KTN1: variants seen among roughly 807,000 people sequenced by gnomAD.
The protein encoded by KTN1 is kinectin.
A neutral mutation model predicts 222.5 loss-of-function variants in KTN1; 130 were observed. The ratio of observed to expected loss-of-function variants is 0.58; its 90% confidence interval spans 0.51 to 0.68. KTN1 has a LOEUF of 0.68. KTN1 is among the 30% of genes least tolerant of loss of function. KTN1 has a pLI of 0.00. For missense variants in KTN1, 1,508 were observed against 1,500.4 expected (o/e 1.01, Z -0.08); for synonymous variants, 512 against 496.3 (o/e 1.03, Z -0.42).
chr14:55,637,207 G>A lies in KTN1; in HGVS notation c.1559G>A (p.Ser520Asn). 1 of 1,601,324 alleles carries A rather than the reference G, an allele frequency of 6.2e-7. No individual in the cohort carries two copies. ...TAATGTTTTATTACAGATTTACAGA[G>A]TAAATTTGTGGCCAAAGAAAATGAA... ...EHEAAQQDLQ[S>N]KFVAKENEVQ... Residue 520 changes from serine to asparagine, a missense_variant, in exon 11 of 44, where the codon AGT (serine) becomes AAT (asparagine). Physicochemically the swap from Ser to Asn is conservative, Grantham distance 46 (BLOSUM62 1). Transcript: ENST00000395314.
chr14:55,640,210 T>C (rs1197157624), intron 14 of KTN1, among the ~76,000 whole-genome samples, 164 bp from the exon 15 acceptor site: 1 of 151,924 alleles, frequency 6.6e-6, no homozygotes, highest in African/African-American at 2.4e-5. Flanking sequence ...TTTACAATAA[T>C]TTGATAGGAA....
chr14:55,678,600 GC>G, intron 42 of KTN1, 156 bp downstream of exon 42: 1 of 598,082 alleles, frequency 1.7e-6, no homozygotes. Context: ...TCTCATTTTT[GC>G]TTATTGAGGT....
intron 2 of KTN1, among the ~76,000 whole-genome samples, chr14:55,613,830 A>G (rs537774228): frequency 2.6e-5 from 4 of 152,140 alleles, no homozygotes; most frequent in African/African-American, 7.2e-5. Context: ...TAAGAACTAC[A>G]TGTTTTAGTT....
At position 55,673,000 on chromosome 14, in the gene KTN1, A is replaced by G. The variant is rs994152832; in HGVS notation, c.3675A>G (p.Thr1225=). ...KAEMERSTYV[T]EVRELKDLLT... ...AGATGGAACGATCTACCTATGTTAC[A>G]GAAGTCAGAGAGGTACTTACAACAG... The change falls in exon 39 of 44, where the codon ACA becomes ACG. Residue 1225 remains threonine (T), a synonymous_variant. Coordinates refer to ENST00000395314, the MANE Select transcript of KTN1 (RefSeq NM_001079521.2). The G allele has an allele frequency of 6.2e-7, 1 of 1,610,548 alleles. No individual in the cohort carries two copies. Among genetic ancestry groups the G allele is most frequent in the Non-Finnish European group, 8.5e-7 (1 of 1,176,886 alleles).
intron 17 of KTN1, 98 bp downstream of exon 17, chr14:55,641,306 T>A (rs2041777422): frequency 1.4e-6 from 1 of 691,750 alleles, no homozygotes; most frequent in Admixed American, 3.1e-5. Context: ...ATGAAGTCAC[T>A]CTGAAACAGT....
chr14:55,670,364 G>T (rs2296183), intron 34 of KTN1, among the ~76,000 whole-genome samples: 51,080 of 151,802 alleles, frequency 0.34, 8,613 homozygotes, highest in South Asian at 0.38. Context: ...TGAAAAATTA[G>T]TCTGGGTTTT....
intron 6 of KTN1, among the ~76,000 whole-genome samples, chr14:55,629,365 C>T (rs2140895695): frequency 6.7e-6 from 1 of 148,418 alleles, no homozygotes; most frequent in East Asian, 2.0e-4. Flanking sequence ...TTGTAGTGAG[C>T]CGAGATCACG....
chr14:55,635,479 TC>T (rs2041016357), intron 9 of KTN1, among the ~76,000 whole-genome samples: 1 of 152,182 alleles, frequency 6.6e-6, no homozygotes, highest in African/African-American at 2.4e-5. Context: ...TAAGTAGTGT[TC>T]CAGTGGCTTG....
chr14:55,607,609 A>G (rs1351087133), intron 1 of KTN1: 3 of 152,154 alleles, frequency 2.0e-5, no homozygotes, highest in Non-Finnish European at 2.9e-5. Context: ...TGTTCCATGG[A>G]TATTTCTCTC....
intron 33 of KTN1, among the ~76,000 whole-genome samples, chr14:55,665,699 A>C (rs576889743): frequency 2.6e-5 from 4 of 152,168 alleles, no homozygotes; most frequent in African/African-American, 9.6e-5. Flanking sequence ...CTACTGAAAG[A>C]AACTCTTATA....
chr14:55,633,452 T>G (rs939408122), intron 8 of KTN1, 111 bp downstream of exon 8: 4 of 574,172 alleles, frequency 7.0e-6, no homozygotes, highest in Non-Finnish European at 8.7e-6. Context: ...GTTTTTACAT[T>G]TGTTTCTAAA....
rs769746880 is a variant in KTN1, at chr14:55,618,033, C to T, written c.731C>T (p.Pro244Leu). The change falls in exon 4 of 44, where the codon CCT becomes CTT. Residue 244 changes from proline to leucine, a missense_variant. Transcript: ENST00000395314. Reference sequence around the variant, plus strand: ...TTGATGGATAATGCTGACTCAAGTCCTGTGGTAGATAAGAGAGAGGTTATT... The same window carrying T: ...TTGATGGATAATGCTGACTCAAGTCTTGTGGTAGATAAGAGAGAGGTTATT... The part of the protein sequence containing the change: ...IPLMDNADSS[P>L]VVDKREVIDL... The T allele has an allele frequency of 2.5e-5, 40 of 1,612,178 alleles. No homozygotes were observed. The highest frequency in any genetic ancestry group is 2.9e-5 in the Non-Finnish European group (34 of 1,178,732).
At chr14:55,641,808 A>G (rs1221260716) in intron 18 of KTN1, 48 bp downstream of exon 18, 3 of 1,153,574 alleles carry the variant, frequency 2.6e-6, no homozygotes, top group Non-Finnish European at 3.9e-6. Flanking sequence ...TTATATAACA[A>G]GATCTGGTTC....
chr14:55,616,366 A>G, intron 2 of KTN1, 151 bp from the exon 3 acceptor site: 1 of 645,676 alleles, frequency 1.5e-6, no homozygotes, highest in Non-Finnish European at 2.7e-6. Flanking sequence ...TAGTGGAGTA[A>G]GAAAGCTAGA....
At chr14:55,656,410 G>A (rs1224007963) in intron 29 of KTN1, 1 of 293,272 alleles carries the variant, frequency 3.4e-6, no homozygotes, top group Non-Finnish European at 6.2e-6. Flanking sequence ...TCCATATAAA[G>A]CACATTTCTG....
chr14:55,611,907 A>G (rs1463701589), intron 1 of KTN1, 112 bp from the exon 2 acceptor site: 1 of 441,476 alleles, frequency 2.3e-6, no homozygotes, highest in Non-Finnish European at 4.0e-6. Context: ...TTAGATTTGT[A>G]GGTCAGGTTA....
At chr14:55,646,436 C>CTTTCCT (rs1251932293) in intron 18 of KTN1, among the ~76,000 whole-genome samples, 1,099 of 96,790 alleles carry the variant, frequency 0.011, 96 homozygotes, top group Admixed American at 0.027. Context: ...CCTTCCTTTC[C>CTTTCCT]TTTCCTTTTC....
chr14:55,677,171 T>C (rs1460712202), intron 41 of KTN1, among the ~76,000 whole-genome samples: 1 of 152,076 alleles, frequency 6.6e-6, no homozygotes, highest in Non-Finnish European at 1.5e-5. Flanking sequence ...CACATAAATA[T>C]TTGACTAAAA....
chr14:55,673,817 TAA>T (rs894406099), intron 40 of KTN1: 1 of 152,132 alleles, frequency 6.6e-6, no homozygotes, highest in African/African-American at 2.4e-5. Context: ...GGCTTTGAGA[TAA>T]AGTTAGCTAA....
Sources: allele counts gnomAD v4.1 joint callset (sites outside exome capture counted in the v4.1 genomes callset), GRCh38; gene constraint gnomAD v4.1.1; transcripts MANE v1.5; gene names NCBI Gene and HGNC (gene_info 2026-07-23, HGNC 2026-07-21).